Variants in SNAPC4 observed in about 807,000 individuals in gnomAD.
SNAPC4 encodes small nuclear RNA activating complex polypeptide 4, also known as snRNA-activating protein complex subunit 4.
Under a neutral mutation model 151.3 loss-of-function variants are expected in SNAPC4, and 127 were observed. The ratio of observed to expected loss-of-function variants is 0.84; its 90% CI spans 0.73 to 0.97. SNAPC4 has a LOEUF of 0.97. Among genes scored for constraint, SNAPC4 ranks in the 50% least tolerant of loss-of-function variants. SNAPC4 has a pLI of 0.00. For synonymous variants in SNAPC4, 1,002 were observed against 824.4 expected (o/e 1.22, Z -3.69); for missense variants, 2,186 against 1,935.0 (o/e 1.13, Z -2.43).
chr9:136,390,107 G>C (rs575677101), intron 10 of SNAPC4, among the ~76,000 whole-genome samples: 3 of 152,220 alleles, frequency 2.0e-5, no homozygotes, highest in South Asian at 4.1e-4. Context: ...AGGCCACAAA[G>C]TAAAACGGAC....
intron 10 of SNAPC4, among the ~76,000 whole-genome samples, chr9:136,391,154 C>G (rs565848851): frequency 6.6e-6 from 1 of 152,272 alleles, no homozygotes; most frequent in South Asian, 2.1e-4. Context: ...TCTTTAAAGG[C>G]AAACTCAATT....
At chr9:136,389,579 G>A (rs894409076) in intron 10 of SNAPC4, among the ~76,000 whole-genome samples, 4 of 152,184 alleles carry the variant, frequency 2.6e-5, no homozygotes, top group South Asian at 2.1e-4. Flanking sequence ...CCTAGTCAAC[G>A]TGTGTGAGCC....
intron 1 of SNAPC4, among the ~76,000 whole-genome samples, chr9:136,399,085 G>A (rs1396002798): frequency 6.6e-6 from 1 of 152,244 alleles, no homozygotes; most frequent in African/African-American, 2.4e-5. Flanking sequence ...CTGTGGTCCA[G>A]GAAGTCTGAA....
chr9:136,394,429 C>T, intron 6 of SNAPC4, 99 bp from the exon 7 acceptor site: 1 of 1,057,928 alleles, frequency 9.5e-7, no homozygotes, highest in Non-Finnish European at 1.5e-6. Flanking sequence ...GGTGGGGGGC[C>T]CCACAGCGAG....
rs773776410 is a variant in SNAPC4, at chr9:136,395,290, C to T, written c.471+8G>A. On this transcript the variant is annotated splice_region_variant and intron_variant, in intron 5 of 23. Coordinates refer to ENST00000684778, the MANE Select transcript of SNAPC4 (RefSeq NM_003086.4). ...CTTGCCGACAAGAGCAGGGCCTCGGCCACTCACCACGCCCGTGACCTTGTC... is the reference window on the plus strand; with the variant it reads ...CTTGCCGACAAGAGCAGGGCCTCGGTCACTCACCACGCCCGTGACCTTGTC... The T allele has an allele frequency of 6.2e-7, 1 of 1,612,012 alleles. No homozygotes were observed. The highest frequency in any genetic ancestry group is 1.3e-5 in the African/African-American group (1 of 74,930).
chr9:136,387,110 T>C (rs1304552816), intron 13 of SNAPC4, among the ~76,000 whole-genome samples: 1 of 152,198 alleles, frequency 6.6e-6, no homozygotes, highest in Admixed American at 6.5e-5. Context: ...AAGCTGTTTT[T>C]GAAAGGAAAA....
At chr9:136,384,932 A>AAG in intron 13 of SNAPC4, 118 bp from the exon 14 acceptor site, 2 of 560,740 alleles carry the variant, frequency 3.6e-6, no homozygotes, top group Non-Finnish European at 6.3e-6. Flanking sequence ...AACAAAAGAA[A>AAG]ACTACAGATA....
chr9:136,388,175 G>A (rs528349360), intron 11 of SNAPC4, among the ~76,000 whole-genome samples: 1 of 151,526 alleles, frequency 6.6e-6, no homozygotes, highest in East Asian at 1.9e-4. Context: ...GCTGAGGCAC[G>A]AGAATCGCTT....
Position 136,378,642 on chromosome 9 carries a change from T to A in SNAPC4, c.3185A>T (p.His1062Leu). The A allele has an allele frequency of 5.9e-6, 9 of 1,532,698 alleles. No homozygotes were observed. The highest frequency in any genetic ancestry group is 7.9e-6 in the Non-Finnish European group (9 of 1,143,116). The allele number at this position is 1,532,698 out of a possible 1,614,324, so 94.9% of individuals were successfully genotyped here. ...GGTCGCCACATGTGGCCCTCCTATG[T>A]GCGTCAGGCTGAGGGGCTGGACGGG... ...PLPVQPLSLT[H>L]IGGPHVATSV... Residue 1062 changes from histidine (H) to leucine (L), a missense_variant, in exon 22 of 24, where the codon CAC becomes CTC. Coordinates refer to ENST00000684778, the MANE Select transcript of SNAPC4 (RefSeq NM_003086.4).
intron 20 of SNAPC4, 42 bp downstream of exon 20, chr9:136,380,698 G>T: frequency 8.8e-7 from 1 of 1,131,272 alleles, no homozygotes. Context: ...ACGCCGGGGC[G>T]GGCAGTGGCC....
rs1242640715 is a variant in SNAPC4 at position 136,379,015 on chromosome 9, G to A, written c.2812C>T (p.His938Tyr). The A allele has an allele frequency of 1.9e-6, 3 of 1,604,042 alleles. No homozygotes were observed. Among genetic ancestry groups the A allele is most frequent in the Non-Finnish European group, 2.6e-6 (3 of 1,176,444 alleles). ...GTGGGACCCGGGGCTGGGCGGCCGT[G>A]TGGGGTGTGTGGTAGAGGGGGCTGG... ...ILQPPLPHTP[H>Y]GRPAPGPTVL... The change falls in exon 22 of 24, where the codon CAC becomes TAC. Residue 938 changes from histidine (H) to tyrosine (Y), a missense_variant. His to Tyr is a moderately conservative substitution (Grantham distance 83). Coordinates refer to ENST00000684778, the MANE Select transcript of SNAPC4 (RefSeq NM_003086.4).
At chr9:136,379,892 A>C (rs1833626136) in intron 20 of SNAPC4, 28 bp from the exon 21 acceptor site, 2 of 1,608,392 alleles carry the variant, frequency 1.2e-6, no homozygotes, top group Non-Finnish European at 1.7e-6. Flanking sequence ...GAGAGTCAGC[A>C]GCTCAGGTGT....
At chr9:136,387,919 A>T in intron 11 of SNAPC4, 71 bp from the exon 12 acceptor site, 1 of 897,076 alleles carries the variant, frequency 1.1e-6, no homozygotes, top group Non-Finnish European at 1.9e-6. Context: ...ACAGCTAGGG[A>T]CAACAGGGTC....
Position 136,398,287 on chromosome 9 carries a change from C to CA in SNAPC4, c.130+11dup. 6.2e-7 allele frequency: 1 copy of CA among 1,609,690 alleles called. No homozygotes were observed. Among genetic ancestry groups the CA allele is most frequent in the Admixed American group, 1.7e-5 (1 of 59,878 alleles). ...TACCAGGACCCCAGGAGGCTAGGTA[C>CA]AAGGGGCTTACCTGCTTCAGAATCT... On this transcript the variant is annotated intron_variant, in intron 2 of 23. Transcript: ENST00000684778.
In SNAPC4 at chr9:136,384,702, A is replaced by C; in HGVS notation, c.1420+18T>G. 1 of 1,243,202 alleles carries C rather than the reference A, an allele frequency of 8.0e-7. No individual in the cohort carries two copies. The highest frequency in any genetic ancestry group is 1.2e-6 in the Non-Finnish European group (1 of 868,380). The allele number at this position is 1,243,202 out of a possible 1,614,324, so 77.0% of individuals were successfully genotyped here. A position where few individuals can be genotyped will look rare whatever the true frequency, so the allele number is the denominator to read the frequency against. The stretch of plus-strand genomic sequence containing the variant: ...AACAAAAAAAAGAAACTAGAAGAAC[A>C]AACTGTCAGCAACTTACCGACACCA... On this transcript the variant is annotated intron_variant, in intron 14 of 23. Transcript: ENST00000684778.
intron 10 of SNAPC4, among the ~76,000 whole-genome samples, chr9:136,389,562 G>A (rs1031995940): frequency 2.6e-5 from 4 of 152,144 alleles, no homozygotes; most frequent in African/African-American, 9.7e-5. Context: ...GCAAGCTGCA[G>A]GGCAATCCTA....
At position 136,392,663 on chromosome 9, in the gene SNAPC4, C is replaced by G. The variant is rs553117028; in HGVS notation, c.737+10G>C. On this transcript the variant is annotated intron_variant, in intron 8 of 23. Coordinates refer to ENST00000684778, the MANE Select transcript of SNAPC4 (RefSeq NM_003086.4). ...GGCTCCCCTGGGCCCTCCCGGGAGG[C>G]CCCCCTCACTTGATGTCCTGGATCT... 30 of 1,607,524 alleles carry G rather than the reference C, an allele frequency of 1.9e-5. No individual in the cohort carries two copies. The highest frequency in any genetic ancestry group is 2.6e-5 in the Non-Finnish European group (30 of 1,175,068).
At chr9:136,393,089 C>G (rs1039904008) in intron 7 of SNAPC4, among the ~76,000 whole-genome samples, 1 of 152,230 alleles carries the variant, frequency 6.6e-6, no homozygotes, top group African/African-American at 2.4e-5. Context: ...CACAGAGACA[C>G]AGCCGTAGGC....
intron 7 of SNAPC4, 46 bp from the exon 8 acceptor site, chr9:136,392,823 G>A (rs772625849): frequency 9.3e-5 from 142 of 1,521,288 alleles, no homozygotes; most frequent in Non-Finnish European, 1.1e-4. Context: ...CGAGGGCTGC[G>A]GGGCGGGGCA....
Sources: allele counts gnomAD v4.1 joint callset (sites outside exome capture counted in the v4.1 genomes callset), GRCh38; gene constraint gnomAD v4.1.1; transcripts MANE v1.5; gene names NCBI Gene and HGNC (gene_info 2026-07-23, HGNC 2026-07-21).